PCNT: variants seen among roughly 807,000 people sequenced by gnomAD.
The protein encoded by PCNT is kendrin.
PCNT carries 319 observed loss-of-function variants against 380.4 expected under a neutral mutation model. That is an observed-to-expected ratio of 0.84 (90% confidence interval 0.77 to 0.92). PCNT has a LOEUF of 0.92. Ranked by LOEUF, PCNT falls within the 40% of genes least tolerant of loss-of-function variation. PCNT has a pLI of 0.00. For synonymous variants in PCNT, 1,845 were observed against 1,735.2 expected, an observed-to-expected ratio of 1.06 and a Z score of -1.57; for missense variants, 4,400 against 4,255.3, an observed-to-expected ratio of 1.03 and a Z score of -0.95.
chr21:46,346,394 C>T (rs756324488), intron 4 of PCNT, among the ~76,000 whole-genome samples, 186 bp downstream of exon 4: 8 of 152,132 alleles, frequency 5.3e-5, no homozygotes, highest in Non-Finnish European at 1.0e-4. Context: ...TGCTGGGGGT[C>T]AGGGGGCTTG....
intron 6 of PCNT, 66 bp downstream of exon 6, chr21:46,347,578 C>A: frequency 7.0e-7 from 1 of 1,426,180 alleles, no homozygotes; most frequent in Non-Finnish European, 9.9e-7. Context: ...CGCCAGGTCC[C>A]ATGAGAACGC....
intron 30 of PCNT, among the ~76,000 whole-genome samples, chr21:46,417,319 C>A (rs1447328484): frequency 8.6e-5 from 13 of 151,698 alleles, no homozygotes; most frequent in Non-Finnish European, 2.9e-5. Flanking sequence ...CTCAGCCTCC[C>A]TAGTAGCTGG....
At position 46,425,691 on chromosome 21, in the gene PCNT, G is replaced by A. The variant is rs541619307; in HGVS notation, c.7180-140G>A. On this transcript the variant is annotated intron_variant, in intron 32 of 46. Transcript: ENST00000359568. The surrounding 1 kb of genome is among the most constrained non-coding windows in gnomAD (Gnocchi z 4.2). ...CTTGAGAAGTGGGTGCCGCCTGTAC[G>A]AAGCCGAGGCGGTGCCCTCCCTCTC... 29 of 1,212,502 alleles carry A rather than the reference G, an allele frequency of 2.4e-5. 1 individual carries two copies. The highest frequency in any genetic ancestry group is 1.4e-4 in the Admixed American group (8 of 58,560). 75.1% of individuals were successfully genotyped at this position (1,212,502 alleles called of 1,614,324 possible).
chr21:46,349,023 A>G lies in PCNT; in HGVS notation c.1044A>G (p.Glu348=). The change falls in exon 7 of 47, where the codon GAA becomes GAG. Residue 348 remains glutamate, a synonymous_variant. Transcript: ENST00000359568. ...KNAQIVKTLK[E]DWESEKDLCL... The stretch of plus-strand genomic sequence containing the variant: ...TTCTTTTAAATTAGACCCTGAAGGA[A>G]GATTGGGAATCTGAAAAAGATTTAT... 5.0e-6 allele frequency: 8 copies of G among 1,587,212 alleles called. No homozygotes were observed. The highest frequency in any genetic ancestry group is 1.7e-4 in the Middle Eastern group (1 of 5,994).
chr21:46,397,267 C>G lies in PCNT; in HGVS notation c.4219C>G (p.Leu1407Val). Residue 1407 changes from leucine to valine, a missense_variant and splice_region_variant, in exon 22 of 47, where the codon CTC (leucine) becomes GTC (valine). Coordinates refer to ENST00000359568, the MANE Select transcript of PCNT (RefSeq NM_006031.6). The stretch of plus-strand genomic sequence containing the variant: ...GTCTGTCCTGTTTGCATCCTTAGCT[C>G]TCCGGAAGGAAGTGGAGGATCTGAC... Reference protein sequence around the residue: ...ATDAEAREAALRKEVEDLTKE... With the variant: ...ATDAEAREAAVRKEVEDLTKE... 1 of 1,613,796 alleles carries G rather than the reference C, an allele frequency of 6.2e-7. No individual in the cohort carries two copies. The highest frequency in any genetic ancestry group is 8.5e-7 in the Non-Finnish European group (1 of 1,179,752).
intron 1 of PCNT, 59 bp downstream of exon 1, chr21:46,324,341 G>C: frequency 7.1e-7 from 1 of 1,399,906 alleles, no homozygotes; most frequent in East Asian, 2.4e-5. Context: ...GGGCGGCTCC[G>C]GTGCCCGCCA....
intron 29 of PCNT, among the ~76,000 whole-genome samples, chr21:46,415,741 C>T (rs1481642011): frequency 6.6e-6 from 1 of 152,168 alleles, no homozygotes; most frequent in African/African-American, 2.4e-5. Context: ...TTAGAAGTTA[C>T]ACACACAGAA....
chr21:46,394,688 TGGA>T (rs976993228), intron 21 of PCNT, among the ~76,000 whole-genome samples: 2 of 152,208 alleles, frequency 1.3e-5, no homozygotes, highest in African/African-American at 4.8e-5. Flanking sequence ...TAAAAATGGG[TGGA>T]GTTGTCCCAT....
At chr21:46,359,251 C>CCTCG (rs1555957726) in intron 13 of PCNT, among the ~76,000 whole-genome samples, 30 of 145,182 alleles carry the variant, frequency 2.1e-4, no homozygotes, top group Admixed American at 5.5e-4. Flanking sequence ...CCGAACCTGG[C>CCTCG]TCCAGGTGAC....
rs748972155 is a variant in PCNT at position 46,334,624 on chromosome 21, A to G, written c.495A>G (p.Pro165=). The change falls in exon 3 of 47, where the codon CCA becomes CCG. Residue 165 remains proline, a synonymous_variant. Transcript: ENST00000359568. ...QHGMFTVSDH[P]PEQRGMFTIS... The stretch of plus-strand genomic sequence containing the variant: ...GGATGTTCACAGTCAGTGACCACCC[A>G]CCAGAACAGCGTGGGATGTTCACAA... The G allele has an allele frequency of 1.2e-6, 2 of 1,607,192 alleles. No individual in the cohort carries two copies. Among genetic ancestry groups the G allele is most frequent in the South Asian group, 2.2e-5 (2 of 90,866 alleles).
chr21:46,422,402 G>A (rs934888262), intron 32 of PCNT, among the ~76,000 whole-genome samples: 1 of 144,798 alleles, frequency 6.9e-6, no homozygotes, highest in Non-Finnish European at 1.5e-5. Flanking sequence ...GAGTCGCAGA[G>A]CCGGCCTGTG....
intron 2 of PCNT, among the ~76,000 whole-genome samples, chr21:46,329,827 T>G (rs117966061): frequency 0.013 from 1,929 of 152,316 alleles, 20 homozygotes; most frequent in Non-Finnish European, 0.022. Context: ...GCTGGTAAAA[T>G]GTAAGGATAC....
At chr21:46,330,524 C>G (rs948056621) in intron 2 of PCNT, among the ~76,000 whole-genome samples, 1 of 152,144 alleles carries the variant, frequency 6.6e-6, no homozygotes, top group South Asian at 2.1e-4. Context: ...TTTCTTAAGC[C>G]ATTTTGTCAA....
chr21:46,409,190 C>CTTTTTTTTT (rs11399485), intron 27 of PCNT, among the ~76,000 whole-genome samples: 1 of 123,996 alleles, frequency 8.1e-6, no homozygotes, highest in Non-Finnish European at 1.6e-5. Context: ...AAACTTTTTA[C>CTTTTTTTTT]TTTTTTTTTT....
intron 18 of PCNT, 151 bp from the exon 19 acceptor site, chr21:46,389,048 G>A: frequency 7.7e-7 from 1 of 1,303,386 alleles, no homozygotes; most frequent in Non-Finnish European, 1.1e-6. Flanking sequence ...CGGGGTTTGG[G>A]CTAAATTTGT....
rs768786613 is a variant in PCNT at position 46,445,303 on chromosome 21, C to G, written c.9987C>G (p.Ser3329=). ...ATGCAGATTCTACTTCAAAGAAATC[C>G]TGCCACCCGATGATTAAACAGTGAA... ...GVLPDSTSKK[S]CHPMIKQ Residue 3329 remains serine, a synonymous_variant, in exon 47 of 47, where the codon TCC becomes TCG. Transcript: ENST00000359568. 2 of 1,608,832 alleles carry G rather than the reference C, an allele frequency of 1.2e-6. No individual in the cohort carries two copies. The highest frequency in any genetic ancestry group is 1.7e-6 in the Non-Finnish European group (2 of 1,175,272).
At chr21:46,333,213 C>A (rs1341905185) in intron 2 of PCNT, among the ~76,000 whole-genome samples, 1 of 152,092 alleles carries the variant, frequency 6.6e-6, no homozygotes, top group East Asian at 1.9e-4. Flanking sequence ...TTGGGCAGAT[C>A]ACAAGGTCAA....
intron 18 of PCNT, 144 bp from the exon 19 acceptor site, chr21:46,389,055 T>C (rs2085941286): frequency 7.8e-7 from 1 of 1,281,810 alleles, no homozygotes; most frequent in Admixed American, 2.0e-5. Context: ...TGGGCTAAAT[T>C]TGTCAGCTCC....
chr21:46,391,546 G>C (rs1462036006), intron 21 of PCNT, among the ~76,000 whole-genome samples, 170 bp downstream of exon 21: 1 of 152,198 alleles, frequency 6.6e-6, no homozygotes, highest in Non-Finnish European at 1.5e-5. Context: ...ATCAGGTGAG[G>C]CATCCACTGG....
Sources: gnomAD v4.1 joint callset for allele counts (sites outside exome capture counted in the v4.1 genomes callset) on GRCh38, gnomAD v4.1.1 for gene constraint, Gnocchi (gnomAD v3.1) non-coding constraint, MANE v1.5 for transcripts, NCBI Gene and HGNC (gene_info 2026-07-23, HGNC 2026-07-21) for gene names.